The following GFRA1 variants were observed in gnomAD, a reference collection of about 807,000 sequenced individuals.
GFRA1 encodes GDNF family receptor alpha-1.
In GFRA1, 16 loss-of-function variants were observed where a neutral mutation model predicts 51.6. The ratio of observed to expected loss-of-function variants is 0.31; its 90% CI spans 0.21 to 0.47. The LOEUF (loss-of-function observed/expected upper bound fraction) is 0.47. Among genes scored for constraint, GFRA1 ranks in the 20% least tolerant of loss-of-function variants. GFRA1 has a pLI of 1.00. For synonymous variants in GFRA1, 270 were observed against 241.3 expected (o/e 1.12, Z -1.10); for missense variants, 530 against 594.3 (o/e 0.89, Z 1.13).
At chr10:116,088,920 CAAAAAAAAAAA>C (rs58590152) in intron 9 of GFRA1, among the ~76,000 whole-genome samples, 9 of 49,046 alleles carry the variant, frequency 1.8e-4, no homozygotes, top group African/African-American at 7.4e-4. Context: ...GACTCTGTCT[CAAAAAAAAAAA>C]AAAAAAAAAA....
chr10:116,257,579 TATG>T (rs937838465), intron 4 of GFRA1, among the ~76,000 whole-genome samples: 5 of 152,306 alleles, frequency 3.3e-5, no homozygotes, highest in Non-Finnish European at 5.9e-5. Flanking sequence ...AGGTGCCTTC[TATG>T]ATGAGAGGTT....
chr10:116,144,402 A>T (rs1958704405), intron 5 of GFRA1, among the ~76,000 whole-genome samples: 1 of 152,200 alleles, frequency 6.6e-6, no homozygotes, highest in Non-Finnish European at 1.5e-5. Context: ...GCTAGTGAAT[A>T]TTAACTAAAA....
intron 5 of GFRA1, among the ~76,000 whole-genome samples, chr10:116,137,832 C>T (rs1397172723): frequency 4.6e-5 from 7 of 152,124 alleles, no homozygotes; most frequent in African/African-American, 1.7e-4. Context: ...GATGGAGTCT[C>T]GCTCTGTTGC....
intron 5 of GFRA1, among the ~76,000 whole-genome samples, chr10:116,132,526 T>C (rs909078326): frequency 2.0e-5 from 3 of 152,132 alleles, no homozygotes; most frequent in African/African-American, 7.2e-5. Context: ...AAGTTTCACA[T>C]GGGCAATTGC....
At position 116,064,317 on chromosome 10, in the gene GFRA1, T is replaced by G; in HGVS notation, c.*81A>C. 2 of 1,269,112 alleles carry G rather than the reference T, an allele frequency of 1.6e-6. No individual in the cohort carries two copies. Among genetic ancestry groups the G allele is most frequent in the Non-Finnish European group, 2.3e-6 (2 of 881,920 alleles). The allele number at this position is 1,269,112 out of a possible 1,614,324, so 78.6% of individuals were successfully genotyped here. A position where few individuals can be genotyped will look rare whatever the true frequency, so the allele number is the denominator to read the frequency against. ...TCTCAACTGAGCTCCTAAACTGGAA[T>G]TTCAGCTATACAAGAGAACAGGAAA... is the stretch of plus-strand genomic sequence containing the variant. On this transcript the variant is annotated 3_prime_UTR_variant, in exon 11 of 11. Transcript: ENST00000355422.
At chr10:116,240,548 T>C (rs1025139265) in intron 4 of GFRA1, among the ~76,000 whole-genome samples, 1 of 152,202 alleles carries the variant, frequency 6.6e-6, no homozygotes, top group Admixed American at 6.5e-5. Flanking sequence ...AAATGAATCA[T>C]TTTGAACTTT....
chr10:116,085,272 A>G (rs1461399400), intron 9 of GFRA1, among the ~76,000 whole-genome samples: 1 of 152,260 alleles, frequency 6.6e-6, no homozygotes, highest in East Asian at 1.9e-4. Flanking sequence ...TTCCCTTCCA[A>G]GGGGGAAATC....
At chr10:116,173,366 T>C (rs1961235099) in intron 5 of GFRA1, among the ~76,000 whole-genome samples, 1 of 152,192 alleles carries the variant, frequency 6.6e-6, no homozygotes, top group African/African-American at 2.4e-5. Flanking sequence ...GGGGGTATGA[T>C]GTGGCTTTCA....
At chr10:116,254,597 T>C (rs900475652) in intron 4 of GFRA1, among the ~76,000 whole-genome samples, 2 of 152,108 alleles carry the variant, frequency 1.3e-5, no homozygotes, top group African/African-American at 2.4e-5. Flanking sequence ...TAATGTCCTT[T>C]GACAACTGCC....
At chr10:116,167,109 T>C (rs1178990591) in intron 5 of GFRA1, among the ~76,000 whole-genome samples, 1 of 152,104 alleles carries the variant, frequency 6.6e-6, no homozygotes, top group Non-Finnish European at 1.5e-5. Flanking sequence ...CACCACAATC[T>C]TCTTAATCTC....
chr10:116,258,371 T>C (rs552564243), intron 4 of GFRA1, among the ~76,000 whole-genome samples: 320 of 4,134 alleles, frequency 0.077, 5 homozygotes, highest in East Asian at 0.44. Flanking sequence ...AATAATAAAA[T>C]AATATCTAAT....
rs189614634 is a variant in GFRA1, at chr10:116,088,029, G to A, written c.1197+1712C>T. ...GTTTGACCTTGGGCTGTGCCATTTC[G>A]TTATCAGCCTCTCCTTAGTGTTTTC... is the stretch of plus-strand genomic sequence containing the variant. On this transcript the variant is annotated intron_variant, in intron 9 of 10. Coordinates refer to ENST00000355422, the MANE Select transcript of GFRA1 (RefSeq NM_005264.8). 5.7e-4 allele frequency among the ~76,000 whole-genome samples: 86 copies of A among 152,158 alleles called. No homozygotes were observed. The Middle Eastern group carries it at 0.024, about 42-fold the overall frequency.
At chr10:116,141,417 G>C (rs943762060) in intron 5 of GFRA1, among the ~76,000 whole-genome samples, 1 of 152,168 alleles carries the variant, frequency 6.6e-6, no homozygotes, top group East Asian at 1.9e-4. Context: ...TCTTAGTTGC[G>C]AGCTTTGTTT....
intron 4 of GFRA1, among the ~76,000 whole-genome samples, chr10:116,247,358 T>C (rs1054493010): frequency 4.6e-5 from 7 of 152,234 alleles, no homozygotes; most frequent in Non-Finnish European, 8.8e-5. Context: ...CTATTTCTCC[T>C]CTTGCCTATT....
intron 9 of GFRA1, among the ~76,000 whole-genome samples, chr10:116,086,749 C>A (rs182888703): frequency 6.6e-6 from 1 of 152,210 alleles, no homozygotes; most frequent in South Asian, 2.1e-4. Context: ...CACAGCCCCA[C>A]GCCTTCATGT....
At chr10:116,255,509 A>C in intron 4 of GFRA1, 10 of 994,578 alleles carry the variant, frequency 1.0e-5, no homozygotes, top group Non-Finnish European at 1.2e-5. Context: ...AAAAAAAACA[A>C]AAAAAAAAAC....
At chr10:116,166,191 T>A (rs1347129684) in intron 5 of GFRA1, among the ~76,000 whole-genome samples, 1 of 152,210 alleles carries the variant, frequency 6.6e-6, no homozygotes, top group Non-Finnish European at 1.5e-5. Flanking sequence ...CTTTATCCAG[T>A]CTATCTTTGA....
chr10:116,064,754 C>T (rs1032851631), intron 10 of GFRA1, among the ~76,000 whole-genome samples: 5 of 152,128 alleles, frequency 3.3e-5, no homozygotes, highest in East Asian at 1.9e-4. Flanking sequence ...TTTGATAAAG[C>T]GTCTGGCCAA....
chr10:116,117,528 G>C (rs1289072129), intron 6 of GFRA1, among the ~76,000 whole-genome samples: 4 of 135,018 alleles, frequency 3.0e-5, no homozygotes, highest in Non-Finnish European at 6.4e-5. Flanking sequence ...AGGCCAGATG[G>C]ATGGATGGGT....
Sources: allele counts gnomAD v4.1 joint callset (sites outside exome capture counted in the v4.1 genomes callset), GRCh38; gene constraint gnomAD v4.1.1; transcripts MANE v1.5; gene names NCBI Gene and HGNC (gene_info 2026-07-23, HGNC 2026-07-21).